IL1RAPL2: variants seen among roughly 807,000 people sequenced by gnomAD.
IL1RAPL2 encodes X-linked interleukin-1 receptor accessory protein-like 2.
A neutral mutation model predicts 44.1 loss-of-function variants in IL1RAPL2; 3 were observed. That is an observed-to-expected ratio of 0.07 (90% CI 0.03 to 0.18). IL1RAPL2 has a LOEUF of 0.18. Ranked by LOEUF, IL1RAPL2 falls within the 10% of genes least tolerant of loss-of-function variation. The pLI is 1.00. For synonymous variants in IL1RAPL2, 181 were observed against 178.8 expected (o/e 1.01, Z -0.10); for missense variants, 391 against 496.4 (o/e 0.79, Z 2.02).
intron 2 of IL1RAPL2, among the ~76,000 whole-genome samples, chrX:104,812,149 G>A (rs757144645): frequency 9.0e-6 from 1 of 110,904 alleles, no homozygotes; most frequent in South Asian, 3.9e-4. Context: ...AGCACCCCCT[G>A]AAGAAGCAAT....
intron 5 of IL1RAPL2, among the ~76,000 whole-genome samples, chrX:105,459,948 C>A (rs944867994): frequency 5.4e-5 from 6 of 111,075 alleles, no homozygotes; most frequent in African/African-American, 2.0e-4. Flanking sequence ...TACCAACTTA[C>A]CAATATAATC....
At chrX:104,709,919 G>A (rs1427673098) in intron 2 of IL1RAPL2, among the ~76,000 whole-genome samples, 1 of 110,222 alleles carries the variant, frequency 9.1e-6, no homozygotes, top group Non-Finnish European at 1.9e-5. Flanking sequence ...CATGGAAATG[G>A]AAATTAAAAA....
chrX:104,943,736 G>T (rs1389842481), intron 2 of IL1RAPL2, among the ~76,000 whole-genome samples: 1 of 111,258 alleles, frequency 9.0e-6, no homozygotes, highest in Non-Finnish European at 1.9e-5. Flanking sequence ...CTACTCTTTT[G>T]TTTCTGTAAA....
intron 6 of IL1RAPL2, among the ~76,000 whole-genome samples, chrX:105,714,044 T>G (rs1466911212): frequency 9.0e-6 from 1 of 111,611 alleles, no homozygotes; most frequent in Non-Finnish European, 1.9e-5. Context: ...TTATCACTTT[T>G]AAGCTCTGCA....
intron 2 of IL1RAPL2, among the ~76,000 whole-genome samples, chrX:104,719,616 A>T (rs186517999): frequency 6.3e-5 from 7 of 111,576 alleles, no homozygotes; most frequent in African/African-American, 1.9e-4. Context: ...TTGAGGTCAA[A>T]CCTATCCAGC....
chrX:105,756,694 CT>C (rs1448979367), intron 10 of IL1RAPL2, among the ~76,000 whole-genome samples: 1 of 111,601 alleles, frequency 9.0e-6, no homozygotes, highest in African/African-American at 3.3e-5. Context: ...TCATTCTTTT[CT>C]TTCTGCAGTT....
chrX:105,010,508 T>A (rs1438801468), intron 2 of IL1RAPL2, among the ~76,000 whole-genome samples: 1 of 111,993 alleles, frequency 8.9e-6, no homozygotes, highest in African/African-American at 3.2e-5. Context: ...AAATAGAATG[T>A]CACTGTCGTA....
chrX:105,284,123 C>G (rs2034553097), intron 5 of IL1RAPL2, among the ~76,000 whole-genome samples: 1 of 111,523 alleles, frequency 9.0e-6, no homozygotes, highest in Admixed American at 9.6e-5. Context: ...CCATATTAAT[C>G]ATTTTACACA....
At chrX:104,723,103 G>A (rs764960884) in intron 2 of IL1RAPL2, among the ~76,000 whole-genome samples, 2 of 110,456 alleles carry the variant, frequency 1.8e-5, no homozygotes, top group African/African-American at 6.6e-5. Context: ...TCAGTTATTT[G>A]CAGCTGACAT....
intron 2 of IL1RAPL2, among the ~76,000 whole-genome samples, chrX:104,660,552 T>A (rs1288113711): frequency 2.1e-5 from 2 of 95,490 alleles, no homozygotes; most frequent in Admixed American, 2.5e-4. Context: ...TATATATATT[T>A]TATATATATT....
Position 104,944,078 on chromosome X carries a change from T to TG in IL1RAPL2, c.83-251397_83-251396insG, listed in dbSNP as rs202042311. 8.2e-3 allele frequency among the ~76,000 whole-genome samples: 915 copies of TG among 111,692 alleles called. 17 individuals are homozygous for TG. Among genetic ancestry groups the TG allele is most frequent in the African/African-American group, 0.028 (860 of 30,758 alleles). ...CCTTTTATAGGATGTGTGGTGTGTG[T>TG]TTTCTGACTAGACTAATGTACAATT... On this transcript the variant is annotated intron_variant, in intron 2 of 10. Transcript: ENST00000372582.
intron 6 of IL1RAPL2, among the ~76,000 whole-genome samples, chrX:105,669,527 A>G (rs751297092): frequency 3.6e-5 from 4 of 111,221 alleles, no homozygotes; most frequent in Admixed American, 1.9e-4. Flanking sequence ...ACCCAAAGCA[A>G]TTTTTCTAAT....
chrX:105,562,512 AACAC>A lies in IL1RAPL2; in HGVS notation c.772+78159_772+78162del, dbSNP rs55720100. Among the ~76,000 whole-genome samples, 339 of 91,588 alleles carry A rather than the reference AACAC, an allele frequency of 3.7e-3. 2 individuals carry two copies. Among genetic ancestry groups the A allele is most frequent in the African/African-American group, 0.013 (321 of 24,474 alleles). 79.5% of individuals were successfully genotyped at this position (91,588 alleles called of 115,157 possible). A position where few individuals can be genotyped will look rare whatever the true frequency, so the allele number is the denominator to read the frequency against. On this transcript the variant is annotated intron_variant, in intron 6 of 10. Transcript: ENST00000372582. ...TACAATTATTTGTGAATTGAAAATA[AACAC>A]ACACACACACACACACACACACACA...
At chrX:104,942,894 T>A (rs1288234014) in intron 2 of IL1RAPL2, among the ~76,000 whole-genome samples, 3 of 111,881 alleles carry the variant, frequency 2.7e-5, no homozygotes. Flanking sequence ...ATTGAGAGTT[T>A]TTAGCATGAA....
At chrX:105,162,386 G>C (rs916243829) in intron 2 of IL1RAPL2, among the ~76,000 whole-genome samples, 2 of 112,006 alleles carry the variant, frequency 1.8e-5, no homozygotes, top group African/African-American at 6.5e-5. Flanking sequence ...TATGTGGTGA[G>C]GGAAAATTTT....
In IL1RAPL2 at chrX:105,032,663, G is replaced by A. The variant is rs1243600193; in HGVS notation, c.83-162812G>A. The stretch of plus-strand genomic sequence containing the variant: ...ACTTCCAACTATGTGTTCAATTTTG[G>A]AATAGGTGTGGTGTGGTGCTGAAAA... On this transcript the variant is annotated intron_variant, in intron 2 of 10. Coordinates refer to ENST00000372582, the MANE Select transcript of IL1RAPL2 (RefSeq NM_017416.2). Among the ~76,000 whole-genome samples, 5 of 111,462 alleles carry A rather than the reference G, an allele frequency of 4.5e-5. No individual in the cohort carries two copies. In the East Asian group the frequency reaches 1.4e-3, roughly 31 times the overall value.
chrX:105,456,144 T>G (rs1361363961), intron 5 of IL1RAPL2, among the ~76,000 whole-genome samples: 1 of 112,176 alleles, frequency 8.9e-6, no homozygotes, highest in Non-Finnish European at 1.9e-5. Context: ...TGTATAGAAA[T>G]GTTAGTGATT....
intron 5 of IL1RAPL2, among the ~76,000 whole-genome samples, chrX:105,317,974 TC>T (rs375923126): frequency 0.012 from 1,201 of 101,905 alleles, 32 homozygotes; most frequent in Middle Eastern, 0.03. Context: ...TCTTTCTTCT[TC>T]TTTTTTTTTT....
At chrX:105,462,570 T>A (rs756931667) in intron 5 of IL1RAPL2, among the ~76,000 whole-genome samples, 2 of 111,574 alleles carry the variant, frequency 1.8e-5, no homozygotes, top group South Asian at 7.4e-4. Context: ...TTCTTTTACT[T>A]ACATATTTGC....
Sources: allele counts gnomAD v4.1 joint callset (sites outside exome capture counted in the v4.1 genomes callset), GRCh38; gene constraint gnomAD v4.1.1; transcripts MANE v1.5; gene names NCBI Gene and HGNC (gene_info 2026-07-23, HGNC 2026-07-21).